Variants in FREM3 observed in about 807,000 individuals in gnomAD.
FREM3 encodes the protein FRAS1 related extracellular matrix 3.
Under a neutral mutation model 129.1 loss-of-function variants are expected in FREM3, and 105 were observed. That is an observed-to-expected ratio of 0.81 (90% CI 0.69 to 0.96). FREM3 has a LOEUF of 0.96. Among genes scored for constraint, FREM3 ranks in the 40% least tolerant of loss-of-function variants. The pLI is 0.00. For synonymous variants in FREM3, 1,014 were observed against 1,044.9 expected (o/e 0.97, Z 0.57); for missense variants, 2,593 against 2,666.3 (o/e 0.97, Z 0.61).
chr4:143,583,961 A>G (rs1738192211), intron 7 of FREM3, among the ~76,000 whole-genome samples: 1 of 152,252 alleles, frequency 6.6e-6, no homozygotes, highest in Non-Finnish European at 1.5e-5. Context: ...CATATCAAAT[A>G]TTAACCTTGA....
In FREM3 at chr4:143,697,007, C is replaced by T. The variant is rs1456313494; in HGVS notation, c.3669G>A (p.Leu1223=). 7 of 1,537,468 alleles carry T rather than the reference C, an allele frequency of 4.6e-6. No individual in the cohort carries two copies. The highest frequency in any genetic ancestry group is 2.4e-5 in the East Asian group (1 of 40,906). ...TQLLNGADAD[L]PPNELHFQLT... is the part of the protein sequence containing the mutation. ...GTTGAAAGTGGAGCTCATTTGGTGG[C>T]AGGTCAGCATCTGCTCCATTAAGCA... The change falls in exon 1 of 8, where the codon CTG becomes CTA. Residue 1223 remains leucine (L), a synonymous_variant. Coordinates refer to ENST00000329798, the MANE Select transcript of FREM3 (RefSeq NM_001168235.2).
chr4:143,597,560 A>G (rs60194495), intron 6 of FREM3, among the ~76,000 whole-genome samples: 3 of 152,314 alleles, frequency 2.0e-5, no homozygotes, highest in Middle Eastern at 3.4e-3. Flanking sequence ...CAATAAATAC[A>G]TTCAGTACAG....
At chr4:143,648,619 C>T (rs2149848210) in intron 2 of FREM3, among the ~76,000 whole-genome samples, 1 of 152,298 alleles carries the variant, frequency 6.6e-6, no homozygotes, top group East Asian at 1.9e-4. Flanking sequence ...CTCACTTCTC[C>T]TTCCTGCCAC....
At chr4:143,612,970 A>G (rs1738787541) in intron 5 of FREM3, among the ~76,000 whole-genome samples, 1 of 152,200 alleles carries the variant, frequency 6.6e-6, no homozygotes, top group African/African-American at 2.4e-5. Context: ...CACATATGCA[A>G]GATGACACCA....
intron 4 of FREM3, 98 bp from the exon 5 acceptor site, chr4:143,621,260 T>C (rs752580678): frequency 1.4e-5 from 16 of 1,108,910 alleles, no homozygotes; most frequent in Admixed American, 4.9e-5. Flanking sequence ...TTGACTCTTA[T>C]ATTTTCCAAC....
chr4:143,616,913 C>T (rs896915410), intron 5 of FREM3, among the ~76,000 whole-genome samples: 1 of 152,106 alleles, frequency 6.6e-6, no homozygotes, highest in African/African-American at 2.4e-5. Flanking sequence ...TGGTTTACTA[C>T]GCAGTTCTTT....
intron 6 of FREM3, among the ~76,000 whole-genome samples, chr4:143,588,749 G>A (rs558327257): frequency 1.0e-3 from 154 of 151,418 alleles, no homozygotes; most frequent in Non-Finnish European, 1.8e-3. Context: ...ATTCCTTTGG[G>A]TATATACCCA....
At chr4:143,664,467 C>T (rs189411218) in intron 2 of FREM3, among the ~76,000 whole-genome samples, 22 of 152,236 alleles carry the variant, frequency 1.4e-4, no homozygotes, top group African/African-American at 4.8e-4. Context: ...GAGGAGTACC[C>T]TGCCGTGTGA....
chr4:143,601,911 A>G (rs975920698), intron 6 of FREM3: 1 of 152,176 alleles, frequency 6.6e-6, no homozygotes, highest in Non-Finnish European at 1.5e-5. Flanking sequence ...TAAGGAAGCA[A>G]ACATTTCCTG....
intron 2 of FREM3, among the ~76,000 whole-genome samples, chr4:143,652,146 C>CTTTTTTTTTTTTTTTTT (rs1030414098): frequency 1.7e-5 from 1 of 58,528 alleles, no homozygotes; most frequent in Non-Finnish European, 3.3e-5. Context: ...TTTTTCCTTT[C>CTTTTTTTTTTTTTTTTT]TTTTTTTTTT....
chr4:143,666,287 TAA>T (rs199502229), intron 2 of FREM3, among the ~76,000 whole-genome samples: 116 of 152,214 alleles, frequency 7.6e-4, no homozygotes, highest in African/African-American at 2.6e-3. Flanking sequence ...ATTAGGATAT[TAA>T]AAAAATTCTG....
chr4:143,609,064 A>C (rs908281792), intron 6 of FREM3, among the ~76,000 whole-genome samples: 1 of 152,056 alleles, frequency 6.6e-6, no homozygotes, highest in African/African-American at 2.4e-5. Flanking sequence ...AAGGGTTCCT[A>C]GAGACAACCC....
chr4:143,634,508 G>C (rs1299262924), intron 2 of FREM3, among the ~76,000 whole-genome samples: 3 of 151,980 alleles, frequency 2.0e-5, no homozygotes, highest in African/African-American at 7.2e-5. Context: ...TCTCAGACCT[G>C]CTACTGGGGT....
rs1305143837 is a variant in FREM3, at chr4:143,588,224, C to G, written c.6029-2231G>C. 3.3e-5 allele frequency among the ~76,000 whole-genome samples: 5 copies of G among 152,176 alleles called. 1 individual carries two copies. The highest frequency in any genetic ancestry group is 3.3e-4 in the Admixed American group (5 of 15,280). ...ATGCAAAAATGTTAAATTTACCATT[C>G]TAACATGCTATCCTGTGTTTTTTTT... On this transcript the variant is annotated intron_variant, in intron 6 of 7. Transcript: ENST00000329798.
rs532153740 is a variant in FREM3 at position 143,698,187 on chromosome 4, G to A, written c.2489C>T (p.Pro830Leu). 2.0e-6 allele frequency: 3 copies of A among 1,537,434 alleles called. No individual in the cohort carries two copies. Among genetic ancestry groups the A allele is most frequent in the African/African-American group, 2.7e-5 (2 of 73,172 alleles). Residue 830 changes from proline to leucine, a missense_variant, in exon 1 of 8, where the codon CCA becomes CTA. This residue lies in a region of FREM3 where 2,276 missense variants were observed against 2,267.2 expected (regional missense o/e 1.00). Transcript: ENST00000329798. ...AGCAAAGCCTCTGTTGGTGACTTCT[G>A]GGGGCTGGTTGTCCACAGGTTGCAG... ...LFLQPVDNQP[P>L]EVTNRGFAIL...
chr4:143,676,114 C>T (rs896066204), intron 2 of FREM3, among the ~76,000 whole-genome samples: 18 of 152,248 alleles, frequency 1.2e-4, no homozygotes, highest in Non-Finnish European at 2.2e-4. Flanking sequence ...ACCAATATCC[C>T]TGATGAACAT....
rs1198824546 is a variant in FREM3, at chr4:143,592,647, G to A, written c.6029-6654C>T. 3.9e-5 allele frequency among the ~76,000 whole-genome samples: 6 copies of A among 152,268 alleles called. No individual in the cohort carries two copies. In the East Asian group the frequency reaches 9.6e-4, roughly 24 times the overall value. ...ATGGGCTTCCCTTTGTGGGTAACCC[G>A]ACCTTTCTCTCTGGCTGCCCTTAAC... is the stretch of plus-strand genomic sequence containing the variant. On this transcript the variant is annotated intron_variant, in intron 6 of 7. Coordinates refer to ENST00000329798, the MANE Select transcript of FREM3 (RefSeq NM_001168235.2).
chr4:143,677,699 A>G (rs1379953365), intron 2 of FREM3, among the ~76,000 whole-genome samples: 2 of 152,258 alleles, frequency 1.3e-5, no homozygotes, highest in African/African-American at 4.8e-5. Flanking sequence ...ATTGACAAGA[A>G]AACAACAACC....
chr4:143,697,872 T>G lies in FREM3; in HGVS notation c.2804A>C (p.His935Pro). 1 of 1,537,884 alleles carries G rather than the reference T, an allele frequency of 6.5e-7. No individual in the cohort carries two copies. The highest frequency in any genetic ancestry group is 8.7e-7 in the Non-Finnish European group (1 of 1,147,040). ...HIPITIPISVHPNVANRSPRI... is the reference protein window; with the variant it reads ...HIPITIPISVPPNVANRSPRI... Reference sequence around the variant, plus strand: ...AGGACTTCTGTTAGCCACATTGGGATGCACAGAAATTGGGATGGTGATGGG... The same window carrying G: ...AGGACTTCTGTTAGCCACATTGGGAGGCACAGAAATTGGGATGGTGATGGG... Residue 935 changes from histidine to proline, a missense_variant, in exon 1 of 8, where the codon CAT becomes CCT. Around this residue, in one of 2 missense-constraint regions of FREM3, gnomAD observed 2,276 missense variants for 2,267.2 expected, o/e 1.00. Coordinates refer to ENST00000329798, the MANE Select transcript of FREM3 (RefSeq NM_001168235.2).
Sources: gnomAD v4.1 joint callset for allele counts (sites outside exome capture counted in the v4.1 genomes callset) on GRCh38, gnomAD v4.1.1 for gene constraint, gnomAD v4.1.1 regional missense constraint, MANE v1.5 for transcripts, NCBI Gene and HGNC (gene_info 2026-07-23, HGNC 2026-07-21) for gene names.